Variants in KATNAL1 observed in about 807,000 individuals in gnomAD.
KATNAL1 encodes the protein katanin p60 ATPase-containing subunit A-like 1.
In KATNAL1, 32 loss-of-function variants were observed where a neutral mutation model predicts 55.2. That is an observed-to-expected ratio of 0.58 (90% CI 0.44 to 0.78). KATNAL1 has a LOEUF of 0.78. KATNAL1 is among the 30% of genes least tolerant of loss of function. KATNAL1 has a pLI of 0.00. For synonymous variants in KATNAL1, 193 were observed against 193.6 expected, an observed-to-expected ratio of 1.00 and a Z score of 0.02; for missense variants, 466 against 600.9, an observed-to-expected ratio of 0.78 and a Z score of 2.35.
intron 3 of KATNAL1, among the ~76,000 whole-genome samples, chr13:30,274,901 GCGCGCGCACACACACACA>G (rs1258583248): frequency 2.2e-4 from 25 of 111,470 alleles, no homozygotes; most frequent in South Asian, 2.9e-4. Context: ...ACGCGCGCGC[GCGCGCGCACACACACACA>G]CACACACACA....
rs148633293 is a variant in KATNAL1 at position 30,260,339 on chromosome 13, G to A, written c.324-4724C>T. On this transcript the variant is annotated intron_variant, in intron 3 of 10. Transcript: ENST00000380615. ...GCCTCTCCTCCTCCAAAGGAATGCAGTTCCTCACCAGCAACGCAACAAAGC... is the reference window on the plus strand; with the variant it reads ...GCCTCTCCTCCTCCAAAGGAATGCAATTCCTCACCAGCAACGCAACAAAGC... Among the ~76,000 whole-genome samples, 63 of 152,330 alleles carry A rather than the reference G, an allele frequency of 4.1e-4. No individual in the cohort carries two copies. The East Asian group carries it at 0.011, about 26-fold the overall frequency.
At chr13:30,291,160 T>C (rs1882109606) in intron 1 of KATNAL1, among the ~76,000 whole-genome samples, 2 of 152,244 alleles carry the variant, frequency 1.3e-5, no homozygotes. Flanking sequence ...TGCTTTTATT[T>C]ACAGAAAACA....
At chr13:30,269,455 C>G (rs1417857950) in intron 3 of KATNAL1, among the ~76,000 whole-genome samples, 1 of 152,240 alleles carries the variant, frequency 6.6e-6, no homozygotes, top group Non-Finnish European at 1.5e-5. Context: ...CCTTGGCCAC[C>G]CAAAGTGCCG....
At chr13:30,297,753 A>G (rs1882610481) in intron 1 of KATNAL1, among the ~76,000 whole-genome samples, 1 of 152,244 alleles carries the variant, frequency 6.6e-6, no homozygotes, top group African/African-American at 2.4e-5. Context: ...TCCTTAACAA[A>G]TAAATGCAGG....
At position 30,280,217 on chromosome 13, in the gene KATNAL1, G is replaced by T; in HGVS notation, c.169C>A (p.Gln57Lys). The T allele has an allele frequency of 1.3e-6, 2 of 1,565,282 alleles. No homozygotes were observed. Among genetic ancestry groups the T allele is most frequent in the South Asian group, 2.5e-5 (2 of 81,580 alleles). ...AIKGKWQQVR[Q>K]ELLEEYEQVK... The stretch of plus-strand genomic sequence containing the variant: ...TGTTCATATTCCTCCAATAATTCCT[G>T]CCGAACCTTAAAAAAAAAAAATAGG... Residue 57 changes from glutamine to lysine, a missense_variant, in exon 3 of 11, where the codon CAG (glutamine) becomes AAG (lysine). Gln to Lys is a moderately conservative substitution (Grantham distance 53, BLOSUM62 1). Coordinates refer to ENST00000380615, the MANE Select transcript of KATNAL1 (RefSeq NM_032116.5).
chr13:30,283,866 G>A, intron 1 of KATNAL1, 75 bp from the exon 2 acceptor site: 1 of 854,604 alleles, frequency 1.2e-6, no homozygotes, highest in South Asian at 2.3e-5. Flanking sequence ...TTTAAAATAT[G>A]TTTAAAACTA....
chr13:30,298,247 A>C (rs558870250), intron 1 of KATNAL1, among the ~76,000 whole-genome samples: 1 of 152,328 alleles, frequency 6.6e-6, no homozygotes, highest in African/African-American at 2.4e-5. Flanking sequence ...CAGTTCTAGA[A>C]TGCAAAATAA....
chr13:30,238,029 A>G (rs563865314), intron 6 of KATNAL1, among the ~76,000 whole-genome samples: 1 of 152,304 alleles, frequency 6.6e-6, no homozygotes, highest in South Asian at 2.1e-4. Flanking sequence ...ACTACTGCCA[A>G]TCACTTCTGA....
At chr13:30,232,000 A>C (rs1207432614) in intron 6 of KATNAL1, among the ~76,000 whole-genome samples, 1 of 152,180 alleles carries the variant, frequency 6.6e-6, no homozygotes, top group African/African-American at 2.4e-5. Flanking sequence ...TTCAAACATA[A>C]TCAAATTAGC....
chr13:30,245,065 T>C (rs939771248), intron 4 of KATNAL1, among the ~76,000 whole-genome samples: 1 of 150,594 alleles, frequency 6.6e-6, no homozygotes, highest in African/African-American at 2.4e-5. Context: ...GAGGCCAGCC[T>C]CTTCCTGATA....
At chr13:30,239,684 G>GTTT (rs1566100241) in intron 6 of KATNAL1, among the ~76,000 whole-genome samples, 3 of 128,392 alleles carry the variant, frequency 2.3e-5, no homozygotes, top group African/African-American at 5.7e-5. Context: ...ATACAGAAGT[G>GTTT]ATTTTTTTTT....
chr13:30,210,532 G>C (rs1013707046), intron 9 of KATNAL1, 90 bp from the exon 10 acceptor site: 2 of 1,155,226 alleles, frequency 1.7e-6, no homozygotes, highest in African/African-American at 3.2e-5. Context: ...GGGGAAAAAT[G>C]AGGCCAATGC....
chr13:30,242,704 C>T (rs139171057), intron 4 of KATNAL1, among the ~76,000 whole-genome samples: 1 of 152,084 alleles, frequency 6.6e-6, no homozygotes, highest in Non-Finnish European at 1.5e-5. Flanking sequence ...TCTCACTACA[C>T]TGAAGAAGAA....
intron 3 of KATNAL1, among the ~76,000 whole-genome samples, chr13:30,272,195 C>T (rs756678962): frequency 3.9e-5 from 6 of 152,158 alleles, no homozygotes; most frequent in East Asian, 1.9e-4. Flanking sequence ...GTCAGGAGTT[C>T]GAGATCAGCC....
At chr13:30,247,813 A>C (rs1877932806) in intron 4 of KATNAL1, among the ~76,000 whole-genome samples, 1 of 152,162 alleles carries the variant, frequency 6.6e-6, no homozygotes, top group East Asian at 1.9e-4. Flanking sequence ...ATTTAAGAGG[A>C]ACTCTCTGGC....
chr13:30,273,946 T>C (rs1024802058), intron 3 of KATNAL1, among the ~76,000 whole-genome samples: 1 of 152,154 alleles, frequency 6.6e-6, no homozygotes, highest in African/African-American at 2.4e-5. Flanking sequence ...TCTAACTCAG[T>C]AATGGCTCTC....
At position 30,304,606 on chromosome 13, in the gene KATNAL1, T is replaced by G. The variant is rs372329236; in HGVS notation, c.-15+2725A>C. 2.9e-4 allele frequency among the ~76,000 whole-genome samples: 44 copies of G among 152,198 alleles called. No individual in the cohort carries two copies. The South Asian group carries it at 7.3e-3, about 25-fold the overall frequency. ...TAAATGAGAGTTCCATATCCAAACC[T>G]CTTCCTTTTTCTTTTCTACTCATTA... On this transcript the variant is annotated intron_variant, in intron 1 of 10. Transcript: ENST00000380615.
At chr13:30,230,956 T>A (rs1464559212) in intron 7 of KATNAL1, among the ~76,000 whole-genome samples, 1 of 152,174 alleles carries the variant, frequency 6.6e-6, no homozygotes, top group Non-Finnish European at 1.5e-5. Flanking sequence ...GGAATAAACT[T>A]TAATGACGGG....
chr13:30,231,698 A>T (rs1441724919), intron 6 of KATNAL1, among the ~76,000 whole-genome samples: 6 of 152,158 alleles, frequency 3.9e-5, no homozygotes, highest in African/African-American at 1.4e-4. Flanking sequence ...TAACCTAACA[A>T]AAAGACTAGA....
Sources: allele counts gnomAD v4.1 joint callset (sites outside exome capture counted in the v4.1 genomes callset), GRCh38; gene constraint gnomAD v4.1.1; transcripts MANE v1.5; gene names NCBI Gene and HGNC (gene_info 2026-07-23, HGNC 2026-07-21).